The following PHF21B variants were observed in gnomAD, a reference collection of about 807,000 sequenced individuals.
PHF21B encodes the protein PHD finger protein 21B, also known as PHD finger protein 4.
Under a neutral mutation model 62.2 loss-of-function variants are expected in PHF21B, and 22 were observed. The observed-to-expected ratio is 0.35, with a 90% confidence interval of 0.25 to 0.51. The LOEUF is 0.51. Ranked by LOEUF, PHF21B falls within the 20% of genes least tolerant of loss-of-function variation. The pLI, the probability that PHF21B is intolerant of heterozygous loss-of-function variation, is 0.97. For missense variants in PHF21B, 701 were observed against 707.9 expected (o/e 0.99, Z 0.11); for synonymous variants, 341 against 314.7 (o/e 1.08, Z -0.88).
At chr22:44,995,554 T>C (rs968276471) in intron 2 of PHF21B, among the ~76,000 whole-genome samples, 2 of 152,144 alleles carry the variant, frequency 1.3e-5, no homozygotes. Context: ...TGGGGCTCAC[T>C]CTGGGACCAC....
Position 44,893,604 on chromosome 22 carries a change from G to A in PHF21B, c.884-71C>T, listed in dbSNP as rs2071006038. On this transcript the variant is annotated intron_variant, in intron 6 of 12. Coordinates refer to ENST00000313237, the MANE Select transcript of PHF21B (RefSeq NM_138415.5). ...GGAACCCCAAATGCTTCCTTGCCAA[G>A]CCCTGGGCACCACCATCCCCTCCTG... The A allele has an allele frequency of 5.6e-6, 8 of 1,433,172 alleles. No individual in the cohort carries two copies. In the South Asian group the frequency reaches 9.8e-5, roughly 18 times the overall value. 88.8% of individuals were successfully genotyped at this position (1,433,172 alleles called of 1,614,324 possible). A position where few individuals can be genotyped will look rare whatever the true frequency, so the allele number is the denominator to read the frequency against.
intron 5 of PHF21B, chr22:44,901,989 A>C: frequency 4.6e-6 from 1 of 218,662 alleles, no homozygotes; most frequent in Non-Finnish European, 9.6e-6. Context: ...GCATGGGAGA[A>C]AATTGTAAGC....
intron 2 of PHF21B, among the ~76,000 whole-genome samples, chr22:44,953,401 C>CCA (rs1306755513): frequency 3.3e-5 from 5 of 152,226 alleles, no homozygotes; most frequent in Admixed American, 3.3e-4. Flanking sequence ...AACCAACCAG[C>CCA]CACAGGTTCC....
intron 2 of PHF21B, among the ~76,000 whole-genome samples, chr22:44,985,608 A>C (rs771265305): frequency 2.0e-5 from 3 of 152,192 alleles, no homozygotes; most frequent in Non-Finnish European, 2.9e-5. Flanking sequence ...CAAAAGAAAA[A>C]AAAAAATGAA....
chr22:44,951,079 C>A (rs1482413105), intron 2 of PHF21B, among the ~76,000 whole-genome samples: 1 of 152,150 alleles, frequency 6.6e-6, no homozygotes, highest in African/African-American at 2.4e-5. Context: ...CACTATAAAG[C>A]CTGCCACCAG....
At chr22:44,944,173 G>A (rs2072017828) in intron 2 of PHF21B, among the ~76,000 whole-genome samples, 2 of 152,214 alleles carry the variant, frequency 1.3e-5, no homozygotes, top group African/African-American at 2.4e-5. Flanking sequence ...GCATCCAGTG[G>A]CTTCCACCTA....
At chr22:44,942,654 G>C (rs763796440) in intron 2 of PHF21B, among the ~76,000 whole-genome samples, 47 of 152,160 alleles carry the variant, frequency 3.1e-4, no homozygotes, top group Non-Finnish European at 5.4e-4. Flanking sequence ...CAAGGCACAC[G>C]GTCAGAGGAG....
chr22:44,885,235 G>A (rs1022141292), intron 12 of PHF21B, among the ~76,000 whole-genome samples, 191 bp downstream of exon 12: 1 of 151,372 alleles, frequency 6.6e-6, no homozygotes, highest in Non-Finnish European at 1.5e-5. Context: ...CTGCAGGGCT[G>A]AGGCCAGCCT....
intron 2 of PHF21B, among the ~76,000 whole-genome samples, chr22:44,947,888 A>G (rs187361184): frequency 2.0e-5 from 3 of 152,206 alleles, no homozygotes; most frequent in Non-Finnish European, 4.4e-5. Flanking sequence ...GCAGGTCTTA[A>G]GGGTACAGCT....
In PHF21B at chr22:44,891,261, G is replaced by A. The variant is rs375719399; in HGVS notation, c.1015+45C>T. ...GAGGACCACCCAGGGATGACTCCCC[G>A]CGGCCCTGAGCAGCTCTGGCAGAAG... is the stretch of plus-strand genomic sequence containing the variant. On this transcript the variant is annotated intron_variant, in intron 8 of 12. Coordinates refer to ENST00000313237, the MANE Select transcript of PHF21B (RefSeq NM_138415.5). The A allele has an allele frequency of 1.2e-4, 198 of 1,605,492 alleles. 1 individual carries two copies. The African/African-American group carries it at 1.5e-3, about 12-fold the overall frequency.
intron 2 of PHF21B, among the ~76,000 whole-genome samples, chr22:44,953,045 C>T (rs778725309): frequency 4.6e-5 from 7 of 152,182 alleles, no homozygotes; most frequent in Non-Finnish European, 8.8e-5. Context: ...TGGGGTGGGC[C>T]AGGCATCAGG....
At chr22:44,991,611 T>C (rs1485712297) in intron 2 of PHF21B, among the ~76,000 whole-genome samples, 1 of 152,092 alleles carries the variant, frequency 6.6e-6, no homozygotes, top group South Asian at 2.1e-4. Flanking sequence ...AGGACATCCA[T>C]GGAGGGGCAG....
Position 44,889,791 on chromosome 22 carries a change from G to T in PHF21B, c.1016-9C>A. 6.4e-7 allele frequency: 1 copy of T among 1,554,998 alleles called. No individual in the cohort carries two copies. Among genetic ancestry groups the T allele is most frequent in the Non-Finnish European group, 8.6e-7 (1 of 1,158,834 alleles). The stretch of plus-strand genomic sequence containing the variant: ...GCAGGGGTCCTCATTGGCTAGCACA[G>T]GGAAGAAGGGCGGAGAACACGTTAG... On this transcript the variant is annotated splice_polypyrimidine_tract_variant and intron_variant, in intron 8 of 12. Coordinates refer to ENST00000313237, the MANE Select transcript of PHF21B (RefSeq NM_138415.5).
chr22:44,947,964 C>A (rs776680318), intron 2 of PHF21B, among the ~76,000 whole-genome samples: 1 of 152,200 alleles, frequency 6.6e-6, no homozygotes, highest in Non-Finnish European at 1.5e-5. Flanking sequence ...GAGCACAGGG[C>A]GCCAGAGCCT....
At chr22:44,948,334 T>C (rs1401616601) in intron 2 of PHF21B, among the ~76,000 whole-genome samples, 1 of 152,158 alleles carries the variant, frequency 6.6e-6, no homozygotes, top group East Asian at 1.9e-4. Context: ...CCTAAATGTG[T>C]TGCTTATGTC....
intron 2 of PHF21B, among the ~76,000 whole-genome samples, chr22:44,959,668 C>A (rs780627854): frequency 7.9e-5 from 12 of 152,172 alleles, no homozygotes; most frequent in East Asian, 1.9e-4. Context: ...GAGCTGGGCA[C>A]AGCAGAAGCA....
At chr22:44,944,638 C>A (rs760728811) in intron 2 of PHF21B, among the ~76,000 whole-genome samples, 4 of 152,198 alleles carry the variant, frequency 2.6e-5, no homozygotes, top group Admixed American at 6.6e-5. Context: ...CAGGGCCACG[C>A]TGGCCCATCC....
In PHF21B at chr22:44,891,460, C is replaced by T. The variant is rs2070963596; in HGVS notation, c.961-100G>A. ...AGGACTCTCTCTGGGACAGGGTTCC[C>T]ACCCAGGGCTCCAGGCTCTGGCTGG... On this transcript the variant is annotated intron_variant, in intron 7 of 12. Coordinates refer to ENST00000313237, the MANE Select transcript of PHF21B (RefSeq NM_138415.5). 2.8e-6 allele frequency: 4 copies of T among 1,416,640 alleles called. No homozygotes were observed. In the Admixed American group the frequency reaches 5.9e-5, roughly 21 times the overall value. 87.8% of individuals were successfully genotyped at this position (1,416,640 alleles called of 1,614,324 possible). A position where few individuals can be genotyped will look rare whatever the true frequency, so the allele number is the denominator to read the frequency against.
intron 2 of PHF21B, among the ~76,000 whole-genome samples, chr22:44,962,693 T>C (rs1466087134): frequency 1.3e-5 from 2 of 152,178 alleles, no homozygotes. Context: ...CTGGGTCCCA[T>C]ATAACCCAGC....
Sources: gnomAD v4.1 joint callset for allele counts (sites outside exome capture counted in the v4.1 genomes callset) on GRCh38, gnomAD v4.1.1 for gene constraint, MANE v1.5 for transcripts, NCBI Gene and HGNC (gene_info 2026-07-23, HGNC 2026-07-21) for gene names.